Variants in TMSB15B observed in about 807,000 individuals in gnomAD.
The protein encoded by TMSB15B is thymosin beta-15B.
chrX:103,928,328 A>G (rs2074974928), intron 1 of TMSB15B: 2 of 1,205,550 alleles, frequency 1.7e-6, no homozygotes, highest in African/African-American at 3.5e-5. Flanking sequence ...CAATACTTCT[A>G]CCGGGGAATC....
At chrX:103,922,069 ATCTC>A (rs1156457002) in intron 1 of TMSB15B, among the ~76,000 whole-genome samples, 50 of 105,236 alleles carry the variant, frequency 4.8e-4, no homozygotes, top group African/African-American at 1.3e-3. Flanking sequence ...TATTCCTATT[ATCTC>A]TCTCTCTCTC....
At position 103,937,823 on chromosome X, in the gene TMSB15B, T is replaced by C. The variant is rs781814395; in HGVS notation, c.-721+18531T>C. Among the ~76,000 whole-genome samples, 6 of 112,042 alleles carry C rather than the reference T, an allele frequency of 5.4e-5. No homozygotes were observed. The South Asian group carries it at 2.3e-3, about 42-fold the overall frequency. On this transcript the variant is annotated intron_variant, in intron 1 of 3. Coordinates refer to the TMSB15B transcript ENST00000419165. ...GGGCATTTAGTGCTATAAAGTTCCC[T>C]CTACGCATTGCTTTAGCTGTGTCCT...
chrX:103,944,598 G>C (rs1156993419), intron 1 of TMSB15B, among the ~76,000 whole-genome samples: 1 of 111,294 alleles, frequency 9.0e-6, no homozygotes, highest in Admixed American at 9.5e-5. Flanking sequence ...AGAAGGCTCT[G>C]AATGCCAAGC....
chrX:103,923,709 T>C (rs1478099029), intron 1 of TMSB15B, among the ~76,000 whole-genome samples: 13 of 111,336 alleles, frequency 1.2e-4, no homozygotes, highest in African/African-American at 3.6e-4. Context: ...TCCATATGAA[T>C]TTTAAAGTAG....
chrX:103,942,867 T>A (rs1176628092), intron 1 of TMSB15B, among the ~76,000 whole-genome samples: 1 of 111,818 alleles, frequency 8.9e-6, no homozygotes, highest in Non-Finnish European at 1.9e-5. Context: ...GTTTCTTACA[T>A]ATAATGTCCT....
intron 1 of TMSB15B, among the ~76,000 whole-genome samples, chrX:103,942,141 T>C (rs1194800143): frequency 8.9e-6 from 1 of 112,134 alleles, no homozygotes; most frequent in Non-Finnish European, 1.9e-5. Context: ...TCAATCCTTT[T>C]TTATGGTAAG....
At chrX:103,937,987 G>A (rs1453760402) in intron 1 of TMSB15B, among the ~76,000 whole-genome samples, 1 of 112,027 alleles carries the variant, frequency 8.9e-6, no homozygotes, top group Non-Finnish European at 1.9e-5. Context: ...TTTTGAGTGA[G>A]TTTCTTATTC....
intron 1 of TMSB15B, among the ~76,000 whole-genome samples, chrX:103,939,634 C>T (rs1217365857): frequency 1.8e-5 from 2 of 110,569 alleles, no homozygotes; most frequent in East Asian, 2.9e-4. Context: ...CTGTTATTAC[C>T]GACCTTCTGA....
intron 1 of TMSB15B, among the ~76,000 whole-genome samples, chrX:103,924,286 T>G (rs1418600827): frequency 3.6e-5 from 4 of 110,986 alleles, no homozygotes; most frequent in African/African-American, 1.3e-4. Flanking sequence ...GGGTAGGCCA[T>G]CCCCATGCAC....
chrX:103,921,988 G>A (rs1419263681), intron 1 of TMSB15B, among the ~76,000 whole-genome samples: 14 of 111,332 alleles, frequency 1.3e-4, no homozygotes, highest in Non-Finnish European at 2.6e-4. Flanking sequence ...AGTCTAAAAG[G>A]CATTCTGCAG....
At chrX:103,942,834 T>G (rs1347932986) in intron 1 of TMSB15B, among the ~76,000 whole-genome samples, 1 of 111,812 alleles carries the variant, frequency 8.9e-6, no homozygotes, top group Non-Finnish European at 1.9e-5. Flanking sequence ...TAAAGCAGAT[T>G]ATCATAAATG....
chrX:103,950,198 G>A (rs1412142475), intron 1 of TMSB15B, among the ~76,000 whole-genome samples: 2 of 111,244 alleles, frequency 1.8e-5, no homozygotes, highest in African/African-American at 6.5e-5. Context: ...GAAAATTGAG[G>A]ACATTGAATA....
At chrX:103,939,507 G>C (rs190482406) in intron 1 of TMSB15B, among the ~76,000 whole-genome samples, 22 of 110,214 alleles carry the variant, frequency 2.0e-4, no homozygotes, top group Admixed American at 1.8e-3. Context: ...AGCTCCATCA[G>C]GTCATTTATG....
At chrX:103,935,601 C>T (rs1307638509) in intron 1 of TMSB15B, among the ~76,000 whole-genome samples, 3 of 111,304 alleles carry the variant, frequency 2.7e-5, no homozygotes, top group Admixed American at 9.6e-5. Flanking sequence ...AATAGGGAAT[C>T]CTTTCCCCAT....
intron 1 of TMSB15B, among the ~76,000 whole-genome samples, chrX:103,922,244 C>A (rs1168472276): frequency 9.1e-6 from 1 of 109,821 alleles, no homozygotes; most frequent in Admixed American, 9.7e-5. Flanking sequence ...TTCTAGGGTA[C>A]ATATGCACAA....
At chrX:103,944,263 T>G (rs2075019520) in intron 1 of TMSB15B, among the ~76,000 whole-genome samples, 1 of 112,267 alleles carries the variant, frequency 8.9e-6, no homozygotes, top group Non-Finnish European at 1.9e-5. Context: ...TTCATAGTAT[T>G]GTACTCTGTA....
At chrX:103,942,842 A>G (rs1163858597) in intron 1 of TMSB15B, among the ~76,000 whole-genome samples, 12 of 111,801 alleles carry the variant, frequency 1.1e-4, no homozygotes, top group African/African-American at 3.6e-4. Flanking sequence ...ATTATCATAA[A>G]TGGGATTATA....
At chrX:103,926,316 G>A (rs1556318809) in intron 1 of TMSB15B, among the ~76,000 whole-genome samples, 1 of 107,018 alleles carries the variant, frequency 9.3e-6, no homozygotes. Flanking sequence ...GAAAATGGAT[G>A]GAGCAGGGTG....
intron 1 of TMSB15B, among the ~76,000 whole-genome samples, chrX:103,942,066 T>C (rs782733821): frequency 8.9e-6 from 1 of 112,157 alleles, no homozygotes; most frequent in East Asian, 2.8e-4. Context: ...TGTCACTTAT[T>C]TTTCCATTTT....
Sources: gnomAD v4.1 joint callset for allele counts (sites outside exome capture counted in the v4.1 genomes callset) on GRCh38, gnomAD v4.1.1 for gene constraint, MANE v1.5 for transcripts, NCBI Gene and HGNC (gene_info 2026-07-23, HGNC 2026-07-21) for gene names.